Variants in IRAG2 observed in about 807,000 individuals in gnomAD.
IRAG2 encodes the protein inositol 1,4,5-triphosphate receptor associated 2.
Under a neutral mutation model 69.9 loss-of-function variants are expected in IRAG2, and 45 were observed. The ratio of observed to expected loss-of-function variants is 0.64; its 90% CI spans 0.51 to 0.83. IRAG2 has a LOEUF of 0.83. IRAG2 is among the 40% of genes least tolerant of loss of function. IRAG2 has a pLI of 0.00. For synonymous variants in IRAG2, 193 were observed against 202.4 expected (o/e 0.95, Z 0.40); for missense variants, 520 against 587.0 (o/e 0.89, Z 1.18).
intron 1 of IRAG2, among the ~76,000 whole-genome samples, chr12:25,058,868 C>T (rs565040672): frequency 6.6e-6 from 1 of 152,334 alleles, no homozygotes; most frequent in South Asian, 2.1e-4. Context: ...ACAGGTCCAA[C>T]TCCAAACATG....
chr12:25,062,450 A>G (rs892784831), intron 2 of IRAG2, among the ~76,000 whole-genome samples: 6 of 152,240 alleles, frequency 3.9e-5, no homozygotes, highest in African/African-American at 1.4e-4. Flanking sequence ...TAACTATGAT[A>G]GATGTGAATC....
chr12:25,046,987 C>G (rs1248994694), intron 16 of IRAG2, among the ~76,000 whole-genome samples: 1 of 152,032 alleles, frequency 6.6e-6, no homozygotes, highest in East Asian at 1.9e-4. Context: ...GATATATAGA[C>G]CAATGAAACA....
chr12:25,033,933 G>C (rs1944687411), exon 13 of IRAG2: 3 of 398,840 alleles, frequency 7.5e-6, no homozygotes, highest in Non-Finnish European at 1.3e-5. Flanking sequence ...ACTCACTCTT[G>C]CTCAGTCTGC....
chr12:25,011,696 C>A (rs900538507), intron 3 of IRAG2: 3 of 527,616 alleles, frequency 5.7e-6, no homozygotes, highest in Admixed American at 4.4e-5. Flanking sequence ...GATGTTAAAC[C>A]TGATTGCTGG....
At chr12:25,017,567 C>T (rs529128390) in intron 6 of IRAG2, among the ~76,000 whole-genome samples, 1 of 152,106 alleles carries the variant, frequency 6.6e-6, no homozygotes, top group Admixed American at 6.5e-5. Context: ...AAAATACAAA[C>T]ATTAGCTGGG....
intron 6 of IRAG2, among the ~76,000 whole-genome samples, chr12:25,077,308 G>GAGATATATATGAGATATATATATGAGAT (rs1366137453): frequency 5.7e-5 from 1 of 17,672 alleles, no homozygotes; most frequent in Non-Finnish European, 1.2e-4. Context: ...AAATATATAT[G>GAGATATATATGAGATATATATATGAGAT]ATATATATGA....
intron 16 of IRAG2, chr12:25,101,842 G>T: frequency 2.1e-6 from 1 of 484,340 alleles, no homozygotes; most frequent in South Asian, 1.6e-5. Context: ...GAACTTTTCT[G>T]AGCAGAATTC....
At position 25,052,886 on chromosome 12, in the gene IRAG2, C is replaced by A. The variant is rs866388486; in HGVS notation, c.-517C>A. ...AGGAAGCAATTTCGGAACAACGGAA[C>A]CTTCAAACTATAAATACTGAATTAT... On this transcript the variant is annotated 5_prime_UTR_variant, in exon 1 of 22. Transcript: ENST00000556887. 6 of 398,446 alleles carry A rather than the reference C, an allele frequency of 1.5e-5. No homozygotes were observed. The highest frequency in any genetic ancestry group is 4.1e-5 in the African/African-American group (2 of 48,608). The allele number at this position is 398,446 out of a possible 1,614,324, so 24.7% of individuals were successfully genotyped here.
intron 5 of IRAG2, 95 bp downstream of exon 5, chr12:25,066,607 A>G (rs1348358622): frequency 5.0e-6 from 2 of 397,664 alleles, no homozygotes; most frequent in Non-Finnish European, 8.9e-6. Context: ...ATAACGTGAG[A>G]TCACATCTTT....
chr12:25,003,208 A>T (rs1310017843), upstream of IRAG2, among the ~76,000 whole-genome samples: 1 of 152,252 alleles, frequency 6.6e-6, no homozygotes, highest in Non-Finnish European at 1.5e-5. Context: ...GATTAAAAAA[A>T]AGATTCATGG....
intron 10 of IRAG2, among the ~76,000 whole-genome samples, chr12:25,031,704 C>T (rs561655502): frequency 6.6e-6 from 1 of 152,036 alleles, no homozygotes; most frequent in Admixed American, 6.6e-5. Flanking sequence ...CTCTTGTTGC[C>T]CAGGCGGGAG....
At chr12:25,005,098 A>T (rs1265712446) in intron 1 of IRAG2, 5 of 492,848 alleles carry the variant, frequency 1.0e-5, no homozygotes, top group Non-Finnish European at 6.4e-6. Context: ...GGGAATACTT[A>T]GATATAGGGG....
At chr12:25,061,676 TCA>T in intron 2 of IRAG2, 23 bp downstream of exon 2, 2 of 398,594 alleles carry the variant, frequency 5.0e-6, no homozygotes, top group Non-Finnish European at 8.8e-6. Flanking sequence ...TGATATGTGT[TCA>T]GTTACTGTGG....
chr12:25,104,585 A>C, intron 20 of IRAG2, 123 bp downstream of exon 20: 1 of 650,442 alleles, frequency 1.5e-6, no homozygotes, highest in Non-Finnish European at 2.8e-6. Context: ...ATTGTAAAAC[A>C]CTTTTATAAA....
chr12:25,084,421 C>T (rs183076130), intron 10 of IRAG2, among the ~76,000 whole-genome samples: 1 of 151,996 alleles, frequency 6.6e-6, no homozygotes, highest in Admixed American at 6.6e-5. Flanking sequence ...AGAGAGAAGA[C>T]TCATTTCCAC....
intron 9 of IRAG2, among the ~76,000 whole-genome samples, chr12:25,082,637 C>CAA (rs945687416): frequency 1.1e-4 from 17 of 151,298 alleles, no homozygotes; most frequent in African/African-American, 3.1e-4. Flanking sequence ...CAAAACAAAA[C>CAA]AAAACAAAAA....
At chr12:25,098,215 C>T (rs571116454) in intron 15 of IRAG2, among the ~76,000 whole-genome samples, 35 of 152,202 alleles carry the variant, frequency 2.3e-4, no homozygotes, top group Non-Finnish European at 5.0e-4. Flanking sequence ...TGTCACATTC[C>T]CATGCTGACC....
At chr12:25,022,686 T>C (rs189657406) in intron 7 of IRAG2, among the ~76,000 whole-genome samples, 3 of 152,292 alleles carry the variant, frequency 2.0e-5, no homozygotes, top group Admixed American at 2.0e-4. Context: ...AGCAATAAAG[T>C]CCAGAGGAAG....
At chr12:25,101,802 T>TA in intron 16 of IRAG2, 1 of 401,910 alleles carries the variant, frequency 2.5e-6, no homozygotes, top group South Asian at 2.0e-5. Context: ...CTATAAATCT[T>TA]ACAATAGTTT....
Sources: allele counts gnomAD v4.1 joint callset (sites outside exome capture counted in the v4.1 genomes callset), GRCh38; gene constraint gnomAD v4.1.1; transcripts MANE v1.5; gene names NCBI Gene and HGNC (gene_info 2026-07-23, HGNC 2026-07-21).